Variants in OTULINL observed in about 807,000 individuals in gnomAD.
OTULINL encodes inactive ubiquitin thioesterase OTULINL.
A neutral mutation model predicts 43.9 loss-of-function variants in OTULINL; 42 were observed. The ratio of observed to expected loss-of-function variants is 0.96; its 90% CI spans 0.75 to 1.24. OTULINL has a LOEUF of 1.24. Ranked by LOEUF, OTULINL falls within the 50% of genes most tolerant of loss-of-function variation. OTULINL has a pLI of 0.00. For missense variants in OTULINL, 411 were observed against 426.4 expected, an observed-to-expected ratio of 0.96 and a Z score of 0.32; for synonymous variants, 172 against 153.6, an observed-to-expected ratio of 1.12 and a Z score of -0.88.
chr5:14,604,778 C>T (rs1330354184), intron 5 of OTULINL, among the ~76,000 whole-genome samples: 1 of 152,236 alleles, frequency 6.6e-6, no homozygotes, highest in Non-Finnish European at 1.5e-5. Context: ...TCGATTCTGT[C>T]TCATATCCAG....
chr5:14,611,180 G>C lies in OTULINL; in HGVS notation c.*866G>C, dbSNP rs947572456. 2 of 152,172 alleles carry C rather than the reference G, an allele frequency of 1.3e-5. No homozygotes were observed. Among genetic ancestry groups the C allele is most frequent in the Non-Finnish European group, 2.9e-5 (2 of 68,042 alleles). The allele number at this position is 152,172 out of a possible 1,614,324, so 9.4% of individuals were successfully genotyped here. A position where few individuals can be genotyped will look rare whatever the true frequency, so the allele number is the denominator to read the frequency against. On this transcript the variant is annotated 3_prime_UTR_variant, in exon 8 of 8. Coordinates refer to ENST00000274217, the MANE Select transcript of OTULINL (RefSeq NM_019018.3). ...TGTCTGTGTCTGAATCCTCAGAGCC[G>C]TAAAGGGCTAAATGGGTTAAATGGG...
chr5:14,614,567 G>A lies in OTULINL; in HGVS notation c.*4253G>A, dbSNP rs1056105454. On this transcript the variant is annotated 3_prime_UTR_variant, in exon 8 of 8. Coordinates refer to ENST00000274217, the MANE Select transcript of OTULINL (RefSeq NM_019018.3). ...GAAAGCTGATTTGGATTATATTTAT[G>A]CTTAATATCAACATGGTTTATAAGT... 2.5e-6 allele frequency: 1 copy of A among 398,486 alleles called. No homozygotes were observed. Among genetic ancestry groups the A allele is most frequent in the African/African-American group, 2.1e-5 (1 of 48,622 alleles). 24.7% of individuals were successfully genotyped at this position (398,486 alleles called of 1,614,324 possible).
chr5:14,591,215 G>T (rs532840136), intron 1 of OTULINL, among the ~76,000 whole-genome samples: 1 of 152,166 alleles, frequency 6.6e-6, no homozygotes, highest in African/African-American at 2.4e-5. Flanking sequence ...TCCTGCCTGG[G>T]TCTAAAGATC....
At chr5:14,599,555 A>G (rs1475406368) in intron 1 of OTULINL, among the ~76,000 whole-genome samples, 1 of 152,164 alleles carries the variant, frequency 6.6e-6, no homozygotes, top group African/African-American at 2.4e-5. Flanking sequence ...TTATAAGTGT[A>G]AATATCACAT....
chr5:14,607,617 C>A (rs1759505630), intron 6 of OTULINL, among the ~76,000 whole-genome samples, 159 bp downstream of exon 6: 1 of 152,226 alleles, frequency 6.6e-6, no homozygotes, highest in African/African-American at 2.4e-5. Flanking sequence ...CCTTATTCTT[C>A]CTTCTCCTTC....
At position 14,607,412 on chromosome 5, in the gene OTULINL, A is replaced by T; in HGVS notation, c.581A>T (p.Asn194Ile). Residue 194 changes from asparagine to isoleucine, a missense_variant, in exon 6 of 8, where the codon AAT (asparagine) becomes ATT (isoleucine). Coordinates refer to ENST00000274217, the MANE Select transcript of OTULINL (RefSeq NM_019018.3). Reference sequence around the variant, plus strand: ...GGTCCTGAGAAGTATACAGGCTCGAATGTGTTTGGAAAACTACGGAAATAT... The same window carrying T: ...GGTCCTGAGAAGTATACAGGCTCGATTGTGTTTGGAAAACTACGGAAATAT... Reference protein sequence around the residue: ...SFGPEKYTGSNVFGKLRKYVE... With the variant: ...SFGPEKYTGSIVFGKLRKYVE... 1 of 1,614,180 alleles carries T rather than the reference A, an allele frequency of 6.2e-7. No homozygotes were observed. Among genetic ancestry groups the T allele is most frequent in the South Asian group, 1.1e-5 (1 of 91,080 alleles).
At chr5:14,583,434 C>T (rs1182675306) in intron 1 of OTULINL, among the ~76,000 whole-genome samples, 1 of 152,126 alleles carries the variant, frequency 6.6e-6, no homozygotes, top group African/African-American at 2.4e-5. Flanking sequence ...TTTTCTCCTC[C>T]CTGCCTTAGT....
In OTULINL at chr5:14,614,148, G is replaced by T. The variant is rs1759629753; in HGVS notation, c.*3834G>T. 6.6e-6 allele frequency among the ~76,000 whole-genome samples: 1 copy of T among 152,102 alleles called. No individual in the cohort carries two copies. Among genetic ancestry groups the T allele is most frequent in the Non-Finnish European group, 1.5e-5 (1 of 68,006 alleles). On this transcript the variant is annotated 3_prime_UTR_variant, in exon 8 of 8. Coordinates refer to ENST00000274217, the MANE Select transcript of OTULINL (RefSeq NM_019018.3). ...TAAAGCTGTATGATTCTCTTTGCAA[G>T]AATGTTTTTCACACTGCTTAATAAG...
chr5:14,604,704 A>G (rs1184713964), intron 5 of OTULINL, among the ~76,000 whole-genome samples: 1 of 152,244 alleles, frequency 6.6e-6, no homozygotes, highest in East Asian at 1.9e-4. Context: ...CAAAGGGACT[A>G]CAGGCCATGC....
rs565937738 is a variant in OTULINL, at chr5:14,603,596, A to C, written c.498+1264A>C. 4.1e-4 allele frequency among the ~76,000 whole-genome samples: 62 copies of C among 152,230 alleles called. No individual in the cohort carries two copies. In the South Asian group the frequency reaches 0.012, roughly 31 times the overall value. Reference sequence around the variant, plus strand: ...TGAGTAATGATGTTGAGCATTTTTCATGTGCTTATTTGTCATCCCTGTTAT... The same window carrying C: ...TGAGTAATGATGTTGAGCATTTTTCCTGTGCTTATTTGTCATCCCTGTTAT... On this transcript the variant is annotated intron_variant, in intron 5 of 7. Coordinates refer to ENST00000274217, the MANE Select transcript of OTULINL (RefSeq NM_019018.3).
At chr5:14,610,021 G>A (rs1181432456) in intron 7 of OTULINL, 120 bp from the exon 8 acceptor site, 3 of 762,944 alleles carry the variant, frequency 3.9e-6, no homozygotes, top group Non-Finnish European at 6.6e-6. Flanking sequence ...GTGGTGTATG[G>A]GTGGGTCTGT....
chr5:14,584,221 GC>G (rs1157790281), intron 1 of OTULINL, among the ~76,000 whole-genome samples: 1 of 152,136 alleles, frequency 6.6e-6, no homozygotes, highest in African/African-American at 2.4e-5. Context: ...CCAGACTCGG[GC>G]CATTAACTGT....
chr5:14,592,861 A>C (rs901493048), intron 1 of OTULINL, among the ~76,000 whole-genome samples: 1 of 152,184 alleles, frequency 6.6e-6, no homozygotes, highest in African/African-American at 2.4e-5. Context: ...CGGGACCTTC[A>C]GGCTTCTCCA....
At chr5:14,602,793 T>C (rs902743587) in intron 5 of OTULINL, among the ~76,000 whole-genome samples, 1 of 152,224 alleles carries the variant, frequency 6.6e-6, no homozygotes, top group Non-Finnish European at 1.5e-5. Flanking sequence ...CAGTTGCAAA[T>C]AAACCATCTC....
In OTULINL at chr5:14,614,767, T is replaced by TGAGC. The variant is rs1221094978; in HGVS notation, c.*4454_*4457dup. On this transcript the variant is annotated 3_prime_UTR_variant, in exon 8 of 8. Coordinates refer to ENST00000274217, the MANE Select transcript of OTULINL (RefSeq NM_019018.3). The stretch of plus-strand genomic sequence containing the variant: ...AGAGCCAGCATGGAGGAGGGCTGTG[T>TGAGC]GAGCAGACTGCTATAGAATGCTAAA... 2.5e-6 allele frequency: 1 copy of TGAGC among 398,538 alleles called. No homozygotes were observed. Among genetic ancestry groups the TGAGC allele is most frequent in the African/African-American group, 2.1e-5 (1 of 48,636 alleles). 24.7% of individuals were successfully genotyped at this position (398,538 alleles called of 1,614,324 possible).
At chr5:14,606,024 A>G (rs1759469710) in intron 5 of OTULINL, among the ~76,000 whole-genome samples, 2 of 152,184 alleles carry the variant, frequency 1.3e-5, no homozygotes, top group South Asian at 2.1e-4. Context: ...CAGTCCTGGT[A>G]CCAGTTTACT....
In OTULINL at chr5:14,610,243, CCT is replaced by C; in HGVS notation, c.1004_1005del (p.Leu335GlnfsTer158). ...RDFEVCYPEE[P>X]LRDWPEISLL... Reference sequence around the variant, plus strand: ...CTTTGAAGTCTGCTACCCAGAGGAGCCTCTCAGGGACTGGCCGGAGATCTCCC... The same window carrying C: ...CTTTGAAGTCTGCTACCCAGAGGAGCCTCAGGGACTGGCCGGAGATCTCCC... On this transcript the variant is annotated frameshift_variant, in exon 8 of 8. Coordinates refer to ENST00000274217, the MANE Select transcript of OTULINL (RefSeq NM_019018.3). LOFTEE classifies it high-confidence loss of function. The C allele has an allele frequency of 6.2e-7, 1 of 1,613,972 alleles. No homozygotes were observed. The highest frequency in any genetic ancestry group is 1.1e-5 in the South Asian group (1 of 91,074).
intron 1 of OTULINL, among the ~76,000 whole-genome samples, chr5:14,588,556 C>G (rs973374569): frequency 2.0e-5 from 3 of 152,210 alleles, no homozygotes; most frequent in African/African-American, 7.2e-5. Flanking sequence ...GATAGAGGCT[C>G]TTAGTTAGCA....
chr5:14,594,281 T>A (rs966026690), intron 1 of OTULINL, among the ~76,000 whole-genome samples: 2 of 152,220 alleles, frequency 1.3e-5, no homozygotes, highest in Admixed American at 6.5e-5. Context: ...CCTAACAGGA[T>A]TTGTTCTGTG....
Sources: gnomAD v4.1 joint callset for allele counts (sites outside exome capture counted in the v4.1 genomes callset) on GRCh38, gnomAD v4.1.1 for gene constraint, MANE v1.5 for transcripts, NCBI Gene and HGNC (gene_info 2026-07-23, HGNC 2026-07-21) for gene names.